The following MAML3 variants were observed in gnomAD, a reference collection of about 807,000 sequenced individuals.
MAML3 encodes mastermind-like protein 3.
Under a neutral mutation model 101.9 loss-of-function variants are expected in MAML3, and 27 were observed. The ratio of observed to expected loss-of-function variants is 0.27; its 90% CI spans 0.20 to 0.37. The LOEUF is 0.37. Among genes scored for constraint, MAML3 ranks in the 10% least tolerant of loss-of-function variants. The pLI is 1.00. For missense variants in MAML3, 1,316 were observed against 1,444.9 expected, an observed-to-expected ratio of 0.91 and a Z score of 1.45; for synonymous variants, 501 against 555.9, an observed-to-expected ratio of 0.90 and a Z score of 1.39.
chr4:140,071,930 T>G (rs778619286), intron 1 of MAML3, among the ~76,000 whole-genome samples: 41 of 152,072 alleles, frequency 2.7e-4, no homozygotes, highest in Admixed American at 6.6e-4. Flanking sequence ...GAATGTAATA[T>G]TTGAAGAATG....
chr4:139,723,420 C>T (rs1728337190), intron 4 of MAML3, among the ~76,000 whole-genome samples: 1 of 152,180 alleles, frequency 6.6e-6, no homozygotes, highest in Non-Finnish European at 1.5e-5. Flanking sequence ...AAGCAATTCT[C>T]CTGCCCCAGC....
chr4:139,738,615 T>A (rs1729041429), intron 2 of MAML3, among the ~76,000 whole-genome samples: 1 of 152,178 alleles, frequency 6.6e-6, no homozygotes. Context: ...GGGCAATTAC[T>A]TAAAAAATAT....
intron 2 of MAML3, chr4:139,794,167 G>A (rs575429762): frequency 4.6e-5 from 7 of 152,128 alleles, no homozygotes; most frequent in Non-Finnish European, 8.8e-5. Context: ...TAATATTCAT[G>A]TTCAGTATTC....
At chr4:139,871,699 C>T (rs148538427) in intron 2 of MAML3, among the ~76,000 whole-genome samples, 26 of 152,350 alleles carry the variant, frequency 1.7e-4, no homozygotes, top group African/African-American at 6.3e-4. Flanking sequence ...TGAGCTGTGT[C>T]TTCCTCAGGT....
chr4:139,900,468 A>G (rs1317536574), intron 1 of MAML3, among the ~76,000 whole-genome samples: 2 of 152,230 alleles, frequency 1.3e-5, no homozygotes, highest in Non-Finnish European at 2.9e-5. Context: ...AGAAACTCTA[A>G]GTTCCAAGAT....
chr4:139,760,966 CT>C (rs1002511159), intron 2 of MAML3, among the ~76,000 whole-genome samples: 3 of 150,958 alleles, frequency 2.0e-5, no homozygotes, highest in Admixed American at 6.6e-5. Flanking sequence ...TTTTCTTTTT[CT>C]TTTTTTTTGA....
intron 2 of MAML3, among the ~76,000 whole-genome samples, chr4:139,738,004 G>A (rs1579378302): frequency 6.6e-6 from 1 of 152,270 alleles, no homozygotes; most frequent in Non-Finnish European, 1.5e-5. Flanking sequence ...TGCGAAGGCT[G>A]CTAAATGGGT....
chr4:140,023,376 T>C (rs1726768069), intron 1 of MAML3, among the ~76,000 whole-genome samples: 2 of 152,188 alleles, frequency 1.3e-5, no homozygotes. Context: ...AGCTGAGGTC[T>C]GTGGATACAC....
At chr4:140,122,657 T>G (rs1446136713) in intron 1 of MAML3, among the ~76,000 whole-genome samples, 1 of 150,698 alleles carries the variant, frequency 6.6e-6, no homozygotes, top group Non-Finnish European at 1.5e-5. Context: ...CCGGGCGTAG[T>G]GGCGGGCGCC....
intron 1 of MAML3, among the ~76,000 whole-genome samples, chr4:140,093,909 G>A (rs771301388): frequency 1.2e-4 from 19 of 152,162 alleles, no homozygotes; most frequent in Non-Finnish European, 2.5e-4. Context: ...CTGGCCGTCA[G>A]GTTGTCCTGC....
At chr4:139,927,758 G>A (rs917270349) in intron 1 of MAML3, among the ~76,000 whole-genome samples, 38 of 152,072 alleles carry the variant, frequency 2.5e-4, no homozygotes, top group African/African-American at 6.5e-4. Context: ...ACATTTATGC[G>A]GACTCCTATG....
At chr4:139,924,331 ATTC>A (rs1323318231) in intron 1 of MAML3, among the ~76,000 whole-genome samples, 5 of 152,190 alleles carry the variant, frequency 3.3e-5, no homozygotes, top group African/African-American at 1.2e-4. Context: ...TGGACAGGGT[ATTC>A]TTCTTTTAAT....
At chr4:140,133,647 T>G (rs369652856) in intron 1 of MAML3, among the ~76,000 whole-genome samples, 1 of 152,330 alleles carries the variant, frequency 6.6e-6, no homozygotes, top group African/African-American at 2.4e-5. Flanking sequence ...TTCCTAATAG[T>G]CTGTAAAACA....
chr4:139,833,751 G>C (rs900777125), intron 2 of MAML3, among the ~76,000 whole-genome samples: 2 of 152,158 alleles, frequency 1.3e-5, no homozygotes, highest in Non-Finnish European at 2.9e-5. Context: ...AGGGGTTGTG[G>C]CTTGGGGATA....
At chr4:140,108,795 G>A (rs544877956) in intron 1 of MAML3, among the ~76,000 whole-genome samples, 1 of 152,014 alleles carries the variant, frequency 6.6e-6, no homozygotes, top group Non-Finnish European at 1.5e-5. Flanking sequence ...ATATGCCAAA[G>A]AAGATAACTT....
At chr4:139,873,669 C>CCCAAA (rs1478808885) in intron 2 of MAML3, among the ~76,000 whole-genome samples, 1 of 152,170 alleles carries the variant, frequency 6.6e-6, no homozygotes, top group African/African-American at 2.4e-5. Flanking sequence ...CTTAAGCAGC[C>CCCAAA]CTGTGGGGAG....
At chr4:139,768,333 A>T (rs1461158159) in intron 2 of MAML3, among the ~76,000 whole-genome samples, 1 of 151,772 alleles carries the variant, frequency 6.6e-6, no homozygotes, top group African/African-American at 2.4e-5. Flanking sequence ...TTAAGGACTT[A>T]GAACTTTCTC....
chr4:139,885,346 C>T (rs116753782), intron 2 of MAML3, among the ~76,000 whole-genome samples: 3,419 of 151,930 alleles, frequency 0.023, 128 homozygotes, highest in African/African-American at 0.075. Flanking sequence ...TTCAAAGCTG[C>T]AGTGAGCTAT....
intron 1 of MAML3, among the ~76,000 whole-genome samples, chr4:140,041,592 G>C (rs1364277253): frequency 6.6e-6 from 1 of 152,090 alleles, no homozygotes; most frequent in Admixed American, 6.5e-5. Context: ...CTGCACTCCA[G>C]CCTGGGCAAC....
Sources: gnomAD v4.1 joint callset for allele counts (sites outside exome capture counted in the v4.1 genomes callset) on GRCh38, gnomAD v4.1.1 for gene constraint, MANE v1.5 for transcripts, NCBI Gene and HGNC (gene_info 2026-07-23, HGNC 2026-07-21) for gene names.